ASCC2: variants seen among roughly 807,000 people sequenced by gnomAD.
ASCC2 encodes the protein ASC-1 complex subunit P100.
ASCC2 carries 42 observed loss-of-function variants against 93.5 expected under a neutral mutation model. That is an observed-to-expected ratio of 0.45 (90% CI 0.35 to 0.58). The LOEUF (loss-of-function observed/expected upper bound fraction) is 0.58, where lower values mean the gene tolerates loss of function less well. Ranked by LOEUF, ASCC2 falls within the 20% of genes least tolerant of loss-of-function variation. ASCC2 has a pLI of 0.00. For missense variants in ASCC2, 859 were observed against 977.6 expected (o/e 0.88, Z 1.62); for synonymous variants, 364 against 384.2 (o/e 0.95, Z 0.62).
chr22:29,793,305 C>T, intron 17 of ASCC2, 55 bp downstream of exon 17: 2 of 1,604,122 alleles, frequency 1.2e-6, no homozygotes, highest in Admixed American at 1.7e-5. Flanking sequence ...GTGAGGGAGC[C>T]CCATGGGCCT....
intron 8 of ASCC2, among the ~76,000 whole-genome samples, chr22:29,812,291 A>G (rs1240946353): frequency 6.6e-6 from 1 of 152,240 alleles, no homozygotes; most frequent in Non-Finnish European, 1.5e-5. Flanking sequence ...AGAGGCCACT[A>G]GGAAGAGGCC....
chr22:29,809,478 T>G (rs918840070), intron 8 of ASCC2, among the ~76,000 whole-genome samples: 1 of 152,006 alleles, frequency 6.6e-6, no homozygotes, highest in Non-Finnish European at 1.5e-5. Context: ...GTACCTGGCT[T>G]AAAACTTTTA....
chr22:29,795,128 T>C (rs1300477586), intron 15 of ASCC2, among the ~76,000 whole-genome samples: 2 of 152,070 alleles, frequency 1.3e-5, no homozygotes, highest in African/African-American at 4.8e-5. Flanking sequence ...GTATCTGCCA[T>C]GTTGGTCAGG....
At chr22:29,816,430 G>C (rs1425148544) in intron 5 of ASCC2, among the ~76,000 whole-genome samples, 3 of 152,236 alleles carry the variant, frequency 2.0e-5, no homozygotes, top group African/African-American at 7.2e-5. Flanking sequence ...CTTTGGCTCT[G>C]CAAGTTGGAG....
chr22:29,790,399 T>C, intron 19 of ASCC2, 70 bp downstream of exon 19: 2 of 1,540,132 alleles, frequency 1.3e-6, no homozygotes, highest in Non-Finnish European at 1.8e-6. Context: ...GTGGGTTTCC[T>C]GGGTGGCTGG....
chr22:29,821,313 C>T (rs928328769), intron 5 of ASCC2, among the ~76,000 whole-genome samples: 2 of 152,234 alleles, frequency 1.3e-5, no homozygotes, highest in Non-Finnish European at 2.9e-5. Flanking sequence ...TCTGTCCCTA[C>T]CTGCTCTCAG....
rs1479719338 is a variant in ASCC2 at position 29,825,603 on chromosome 22, A to G, written c.240+19T>C. 6.2e-7 allele frequency: 1 copy of G among 1,614,180 alleles called. No homozygotes were observed. Among genetic ancestry groups the G allele is most frequent in the Non-Finnish European group, 8.5e-7 (1 of 1,179,998 alleles). On this transcript the variant is annotated intron_variant, in intron 3 of 19. Transcript: ENST00000307790. The surrounding 1 kb of genome is among the most constrained non-coding windows in gnomAD (Gnocchi z 4.9). ...ATGTCATGTGCTTTGTCTTAGCGTT[A>G]ATTTTGATAGAATGTTACCTGGCAC...
intron 13 of ASCC2, among the ~76,000 whole-genome samples, chr22:29,803,937 C>T (rs12485243): frequency 0.13 from 19,813 of 152,226 alleles, 1,501 homozygotes; most frequent in South Asian, 0.24. Context: ...AATCCCAACA[C>T]CTCATGGAGG....
intron 2 of ASCC2, among the ~76,000 whole-genome samples, chr22:29,827,161 TTTTTTTTGTTTTTTA>T (rs1379597784): frequency 6.7e-6 from 1 of 148,414 alleles, no homozygotes; most frequent in Non-Finnish European, 1.5e-5. Context: ...GTTCTTTCCT[TTTTTTTTGTTTTTTA>T]TTTTTTTGTA....
chr22:29,801,980 C>T lies in ASCC2; in HGVS notation c.1568+14G>A. 1 of 1,569,838 alleles carries T rather than the reference C, an allele frequency of 6.4e-7. No individual in the cohort carries two copies. Among genetic ancestry groups the T allele is most frequent in the Non-Finnish European group, 8.7e-7 (1 of 1,156,048 alleles). Reference sequence around the variant, plus strand: ...CCTGGGCAGCGGGAGCCTCCTCCCACCTGTCTCTCCCACCTGTCTAGGTTG... The same window carrying T: ...CCTGGGCAGCGGGAGCCTCCTCCCATCTGTCTCTCCCACCTGTCTAGGTTG... On this transcript the variant is annotated intron_variant, in intron 14 of 19. Transcript: ENST00000307790.
intron 12 of ASCC2, 119 bp downstream of exon 12, chr22:29,806,097 G>A (rs138747772): frequency 4.1e-4 from 461 of 1,117,566 alleles, no homozygotes; most frequent in Middle Eastern, 9.9e-4. Flanking sequence ...TCGGACAGCT[G>A]GCTGACCCAT....
chr22:29,821,664 C>T (rs988915935), intron 5 of ASCC2, among the ~76,000 whole-genome samples: 1 of 152,182 alleles, frequency 6.6e-6, no homozygotes, highest in Admixed American at 6.5e-5. Flanking sequence ...GGAAACTTCC[C>T]CATTCCTATG....
At chr22:29,828,775 G>GCA (rs2062762776) in intron 2 of ASCC2, among the ~76,000 whole-genome samples, 1 of 152,294 alleles carries the variant, frequency 6.6e-6, no homozygotes, top group South Asian at 2.1e-4. Flanking sequence ...TTGCAGAGAG[G>GCA]CACAAGAAAA....
intron 5 of ASCC2, among the ~76,000 whole-genome samples, chr22:29,820,806 T>A (rs2061459037): frequency 6.7e-6 from 1 of 149,534 alleles, no homozygotes; most frequent in Non-Finnish European, 1.5e-5. Context: ...CTTCGGAGGC[T>A]GAAGCAGGAG....
In ASCC2 at chr22:29,806,563, G is replaced by C; in HGVS notation, c.1017-10C>G. On this transcript the variant is annotated splice_polypyrimidine_tract_variant and intron_variant, in intron 10 of 19. Transcript: ENST00000307790. ...CTGAATGTTGTCACAGCTAGAACAA[G>C]ACACCAGGGAAGATGAGCTCATGCA... 6.2e-7 allele frequency: 1 copy of C among 1,611,922 alleles called. No individual in the cohort carries two copies. The highest frequency in any genetic ancestry group is 8.5e-7 in the Non-Finnish European group (1 of 1,178,464).
chr22:29,803,997 G>GT (rs2059394225), intron 13 of ASCC2, among the ~76,000 whole-genome samples: 1 of 152,240 alleles, frequency 6.6e-6, no homozygotes, highest in African/African-American at 2.4e-5. Context: ...AAGGTTCAAC[G>GT]TGAGTGACGT....
chr22:29,808,982 T>C (rs1343389965), intron 8 of ASCC2, among the ~76,000 whole-genome samples: 1 of 151,468 alleles, frequency 6.6e-6, no homozygotes, highest in East Asian at 1.9e-4. Flanking sequence ...TAGCCAGAAG[T>C]GGTGGTGCAC....
intron 4 of ASCC2, among the ~76,000 whole-genome samples, chr22:29,823,373 A>G (rs895939945): frequency 2.6e-5 from 4 of 152,252 alleles, no homozygotes; most frequent in African/African-American, 9.6e-5. Flanking sequence ...AAAGCATGCT[A>G]TAAAACAATC....
intron 17 of ASCC2, 106 bp from the exon 18 acceptor site, chr22:29,792,641 C>T: frequency 6.8e-7 from 1 of 1,479,000 alleles, no homozygotes; most frequent in Non-Finnish European, 9.2e-7. Context: ...CAGGAGGGCT[C>T]AGGAGGTTGG....
Sources: allele counts gnomAD v4.1 joint callset (sites outside exome capture counted in the v4.1 genomes callset), GRCh38; gene constraint gnomAD v4.1.1; non-coding constraint Gnocchi (gnomAD v3.1); transcripts MANE v1.5; gene names NCBI Gene and HGNC (gene_info 2026-07-23, HGNC 2026-07-21).